Variants in DICER1 observed in about 807,000 individuals in gnomAD.
DICER1 encodes the protein endoribonuclease Dicer.
A neutral mutation model predicts 194.1 loss-of-function variants in DICER1; 43 were observed. The observed-to-expected ratio is 0.22, with a 90% CI of 0.17 to 0.29. The LOEUF is 0.29. Among genes scored for constraint, DICER1 ranks in the 10% least tolerant of loss-of-function variants. The pLI is 1.00. For synonymous variants in DICER1, 832 were observed against 820.5 expected (o/e 1.01, Z -0.24); for missense variants, 1,608 against 2,317.0 (o/e 0.69, Z 6.28).
At chr14:95,118,411 C>G (rs935423779) in intron 8 of DICER1, among the ~76,000 whole-genome samples, 10 of 152,206 alleles carry the variant, frequency 6.6e-5, no homozygotes, top group Non-Finnish European at 1.2e-4. Flanking sequence ...CCCCAGGCCA[C>G]TGACCAAAAT....
chr14:95,139,143 G>A (rs1894659761), intron 1 of DICER1, among the ~76,000 whole-genome samples: 1 of 152,154 alleles, frequency 6.6e-6, no homozygotes, highest in South Asian at 2.1e-4. Context: ...GTTTAATCCT[G>A]TATTTCAATC....
chr14:95,156,705 C>G (rs1895896593), intron 1 of DICER1, among the ~76,000 whole-genome samples: 1 of 152,230 alleles, frequency 6.6e-6, no homozygotes, highest in African/African-American at 2.4e-5. Flanking sequence ...CCCCAGGGCC[C>G]CAATCTGGTC....
At chr14:95,090,916 A>T in intron 26 of DICER1, 118 bp downstream of exon 26, 1 of 1,071,600 alleles carries the variant, frequency 9.3e-7, no homozygotes, top group Non-Finnish European at 1.4e-6. Context: ...CAGAAATCTG[A>T]CAACAGCACA....
At chr14:95,116,391 CA>C in intron 10 of DICER1, 61 bp downstream of exon 10, 1 of 1,581,900 alleles carries the variant, frequency 6.3e-7, no homozygotes, top group Non-Finnish European at 8.6e-7. Context: ...CAAAGAATAA[CA>C]AAGAAGCCAC....
intron 1 of DICER1, among the ~76,000 whole-genome samples, chr14:95,142,299 T>C (rs1894871817): frequency 1.3e-5 from 2 of 152,094 alleles, no homozygotes; most frequent in African/African-American, 4.8e-5. Flanking sequence ...ACATGCTGTA[T>C]TGAATACTGC....
At chr14:95,156,988 G>C (rs561749245) in intron 1 of DICER1, among the ~76,000 whole-genome samples, 1 of 152,248 alleles carries the variant, frequency 6.6e-6, no homozygotes, top group Non-Finnish European at 1.5e-5. Context: ...GCTGCCTCGC[G>C]GGGAGGCGCC....
chr14:95,149,264 T>C (rs933730849), intron 1 of DICER1, among the ~76,000 whole-genome samples: 1 of 152,158 alleles, frequency 6.6e-6, no homozygotes, highest in Non-Finnish European at 1.5e-5. Context: ...AAAATGAACA[T>C]AAGAGACTAC....
In DICER1 at chr14:95,115,705, T is replaced by C. The variant is rs1396293490; in HGVS notation, c.1869A>G (p.Pro623=). The C allele has an allele frequency of 6.2e-7, 1 of 1,614,054 alleles. No homozygotes were observed. Among genetic ancestry groups the C allele is most frequent in the Non-Finnish European group, 8.5e-7 (1 of 1,180,026 alleles). ...CAATGGCCGTGTTGATTGTGACTCG[T>C]GGACCACCATCGTCAGGCCTCAACA... ...PYVLRPDDGG[P]RVTINTAIGH... Residue 623 remains proline, a synonymous_variant, in exon 11 of 27, where the codon CCA becomes CCG. Transcript: ENST00000343455.
At chr14:95,122,959 C>CAAAG (rs33966914) in intron 8 of DICER1, among the ~76,000 whole-genome samples, 2 of 149,324 alleles carry the variant, frequency 1.3e-5, no homozygotes, top group African/African-American at 5.0e-5. Context: ...CACACACACA[C>CAAAG]AAAGAAAGAA....
chr14:95,108,164 A>G, intron 15 of DICER1, 71 bp from the exon 16 acceptor site: 1 of 1,358,980 alleles, frequency 7.4e-7, no homozygotes, highest in Non-Finnish European at 1.0e-6. Flanking sequence ...TTAACTTCAG[A>G]ACAGAAATGA....
chr14:95,122,796 T>A (rs1487623766), intron 8 of DICER1, among the ~76,000 whole-genome samples: 1 of 152,194 alleles, frequency 6.6e-6, no homozygotes, highest in Non-Finnish European at 1.5e-5. Context: ...ATCAGAAGGA[T>A]CAGGCTCAAT....
At chr14:95,094,306 TA>T (rs1416164783) in intron 23 of DICER1, 150 bp from the exon 24 acceptor site, 37 of 1,029,938 alleles carry the variant, frequency 3.6e-5, no homozygotes, top group Non-Finnish European at 4.5e-5. Flanking sequence ...CATATCATAC[TA>T]AAAAGCCTCT....
chr14:95,087,885 T>C lies in DICER1; in HGVS notation c.*2613A>G, dbSNP rs558771191. 1 of 232,980 alleles carries C rather than the reference T, an allele frequency of 4.3e-6. No individual in the cohort carries two copies. The highest frequency in any genetic ancestry group is 8.5e-6 in the Non-Finnish European group (1 of 117,988). 14.4% of individuals were successfully genotyped at this position (232,980 alleles called of 1,614,324 possible). A position where few individuals can be genotyped will look rare whatever the true frequency, so the allele number is the denominator to read the frequency against. On this transcript the variant is annotated 3_prime_UTR_variant, in exon 27 of 27. Coordinates refer to ENST00000343455, the MANE Select transcript of DICER1 (RefSeq NM_177438.3). ...ACATTGCAATCACAGGAACACAGGG[T>C]GGCACACAGGGCTCTAAAGTGGGGC...
In DICER1 at chr14:95,124,219, T is replaced by C. The variant is rs1060503663; in HGVS notation, c.1353A>G (p.Arg451=). ...ILCGIIFVER[R]YTAVVLNRLI... ...ACCTGTTTAAGACAACTGCTGTGTA[T>C]CTTCTTTCCACAAAAATAATTCCGC... Residue 451 remains arginine, a synonymous_variant, in exon 8 of 27, where the codon AGA becomes AGG. Coordinates refer to ENST00000343455, the MANE Select transcript of DICER1 (RefSeq NM_177438.3). The surrounding 1 kb of genome is among the most constrained non-coding windows in gnomAD (Gnocchi z 4.5). The C allele has an allele frequency of 1.2e-6, 2 of 1,613,688 alleles. No individual in the cohort carries two copies. Among genetic ancestry groups the C allele is most frequent in the East Asian group, 4.5e-5 (2 of 44,884 alleles).
intron 1 of DICER1, among the ~76,000 whole-genome samples, chr14:95,154,476 T>C (rs966905351): frequency 6.6e-6 from 1 of 152,196 alleles, no homozygotes; most frequent in Non-Finnish European, 1.5e-5. Flanking sequence ...GACAGATGAA[T>C]GGATAAACAA....
Position 95,105,616 on chromosome 14 carries a change from T to A in DICER1, c.3093+62A>T. 8.2e-7 allele frequency: 1 copy of A among 1,221,446 alleles called. No homozygotes were observed. The highest frequency in any genetic ancestry group is 1.2e-6 in the Non-Finnish European group (1 of 831,914). The allele number at this position is 1,221,446 out of a possible 1,614,324, so 75.7% of individuals were successfully genotyped here. On this transcript the variant is annotated intron_variant, in intron 19 of 26. Transcript: ENST00000343455. The surrounding 1 kb of genome is among the most constrained non-coding windows in gnomAD (Gnocchi z 4.9). ...CTTGGTAAGATAAAATTCAAACTTA[T>A]CTTTAATAATCTTTAATACTCAAAC...
At chr14:95,095,421 C>A in intron 23 of DICER1, 2 of 221,702 alleles carry the variant, frequency 9.0e-6, no homozygotes, top group South Asian at 6.5e-5. Flanking sequence ...GTCTTTTTGT[C>A]CAGGAAGAAC....
rs2139969094 is a variant in DICER1 at position 95,103,980 on chromosome 14, C to T, written c.3416G>A (p.Arg1139Lys). 2 of 1,614,152 alleles carry T rather than the reference C, an allele frequency of 1.2e-6. No individual in the cohort carries two copies. Among genetic ancestry groups the T allele is most frequent in the Non-Finnish European group, 1.7e-6 (2 of 1,180,008 alleles). Residue 1139 changes from arginine to lysine, a missense_variant, in exon 21 of 27, where the codon AGA (arginine) becomes AAA (lysine). By Grantham distance (26) the Arg-to-Lys change is conservative (BLOSUM62 2). Transcript: ENST00000343455. ...GTCATGATTTTCTAGAGAGGAGGTT[C>T]TATTAGCACCTTGATGTGCAGCATT... ...PENAAHQGAN[R>K]TSSLENHDQM...
Position 95,096,572 on chromosome 14 carries a change from T to C in DICER1, c.4348A>G (p.Ile1450Val). 1 of 1,613,168 alleles carries C rather than the reference T, an allele frequency of 6.2e-7. No homozygotes were observed. Among genetic ancestry groups the C allele is most frequent in the Non-Finnish European group, 8.5e-7 (1 of 1,179,398 alleles). Residue 1450 changes from isoleucine to valine, a missense_variant, in exon 23 of 27, where the codon ATC becomes GTC. Around this residue, in one of 10 missense-constraint regions of DICER1, gnomAD observed 164 missense variants for 183.7 expected, o/e 0.89. Transcript: ENST00000343455. ...ATTAACATATTATCTATAAATCTGA[T>C]ATGTTCCTGATCATACTCCAGGAAA... ...DDFLEYDQEH[I>V]RFIDNMLMGS...
Sources: allele counts gnomAD v4.1 joint callset (sites outside exome capture counted in the v4.1 genomes callset), GRCh38; gene constraint gnomAD v4.1.1; regional missense constraint gnomAD v4.1.1; non-coding constraint Gnocchi (gnomAD v3.1); transcripts MANE v1.5; gene names NCBI Gene and HGNC (gene_info 2026-07-23, HGNC 2026-07-21).